GLYAT: variants seen among roughly 807,000 people sequenced by gnomAD.
The protein encoded by GLYAT is glycine-N-acyltransferase, also known as glycine N-acyltransferase.
Under a neutral mutation model 22.8 loss-of-function variants are expected in GLYAT, and 25 were observed. The ratio of observed to expected loss-of-function variants is 1.09; its 90% confidence interval spans 0.80 to 1.53. The LOEUF (loss-of-function observed/expected upper bound fraction) is 1.53. GLYAT is among the 40% of genes most tolerant of loss of function. GLYAT has a pLI of 0.00. For synonymous variants in GLYAT, 140 were observed against 122.7 expected, an observed-to-expected ratio of 1.14 and a Z score of -0.93; for missense variants, 411 against 353.9, an observed-to-expected ratio of 1.16 and a Z score of -1.29.
chr11:58,731,472 T>A (rs911813775), intron 1 of GLYAT, among the ~76,000 whole-genome samples: 1 of 152,198 alleles, frequency 6.6e-6, no homozygotes, highest in African/African-American at 2.4e-5. Context: ...GTTGTCTGCA[T>A]ATTCTGAGCA....
At chr11:58,711,228 A>G (rs988877644) in intron 4 of GLYAT, among the ~76,000 whole-genome samples, 2 of 152,076 alleles carry the variant, frequency 1.3e-5, no homozygotes, top group African/African-American at 4.8e-5. Flanking sequence ...CTCTGCCTTT[A>G]TCTCTTTTAA....
At chr11:58,728,287 C>A (rs2497379) in intron 1 of GLYAT, among the ~76,000 whole-genome samples, 110,872 of 151,670 alleles carry the variant, frequency 0.73, 41,185 homozygotes, top group Middle Eastern at 0.89. Context: ...GGTCTCAAAC[C>A]CTTGACCTTG....
At chr11:58,712,070 G>A (rs1196257892) in intron 4 of GLYAT, among the ~76,000 whole-genome samples, 1 of 152,142 alleles carries the variant, frequency 6.6e-6, no homozygotes. Flanking sequence ...ATCAACTACA[G>A]CTACATGAGT....
intron 3 of GLYAT, among the ~76,000 whole-genome samples, chr11:58,714,822 T>C (rs1227672106): frequency 6.6e-6 from 1 of 152,158 alleles, no homozygotes; most frequent in Non-Finnish European, 1.5e-5. Context: ...TAAACGTCTT[T>C]CCTTGATAAA....
intron 1 of GLYAT, among the ~76,000 whole-genome samples, chr11:58,731,494 G>A (rs1340736828): frequency 1.3e-5 from 2 of 151,858 alleles, no homozygotes; most frequent in Non-Finnish European, 2.9e-5. Flanking sequence ...AACACAATAC[G>A]GGCACTTTAA....
At chr11:58,727,870 C>T (rs913848268) in intron 1 of GLYAT, among the ~76,000 whole-genome samples, 2 of 152,068 alleles carry the variant, frequency 1.3e-5, no homozygotes, top group African/African-American at 2.4e-5. Flanking sequence ...GACCACTGCA[C>T]ATGTGGACAA....
At chr11:58,721,071 A>G (rs1318975674) in intron 2 of GLYAT, among the ~76,000 whole-genome samples, 1 of 151,948 alleles carries the variant, frequency 6.6e-6, no homozygotes, top group African/African-American at 2.4e-5. Context: ...AATATTTTGT[A>G]TACAATACAT....
chr11:58,714,065 G>A (rs1590668135), intron 3 of GLYAT, among the ~76,000 whole-genome samples: 1 of 151,986 alleles, frequency 6.6e-6, no homozygotes, highest in East Asian at 1.9e-4. Context: ...CCAAACACAG[G>A]CAGATACCTC....
chr11:58,716,891 G>C (rs1381696853), intron 2 of GLYAT, among the ~76,000 whole-genome samples: 1 of 152,088 alleles, frequency 6.6e-6, no homozygotes, highest in Non-Finnish European at 1.5e-5. Context: ...GAAGTACACT[G>C]GTTCAGTTTG....
At chr11:58,730,081 G>A (rs1200865879) in intron 1 of GLYAT, among the ~76,000 whole-genome samples, 1 of 152,122 alleles carries the variant, frequency 6.6e-6, no homozygotes, top group Non-Finnish European at 1.5e-5. Flanking sequence ...GCAGCACTGG[G>A]CAATGAGTAG....
intron 5 of GLYAT, 84 bp from the exon 6 acceptor site, chr11:58,710,252 G>C: frequency 6.7e-7 from 1 of 1,495,026 alleles, no homozygotes; most frequent in Non-Finnish European, 8.9e-7. Flanking sequence ...GAGAGACAGA[G>C]TAGACAGAAG....
intron 2 of GLYAT, among the ~76,000 whole-genome samples, chr11:58,719,178 T>C (rs1325993210): frequency 6.6e-6 from 1 of 151,998 alleles, no homozygotes; most frequent in African/African-American, 2.4e-5. Flanking sequence ...AATAGGATTA[T>C]AGGTCATTTT....
chr11:58,709,895 C>A lies in GLYAT; in HGVS notation c.762G>T (p.Leu254Phe). ...TYVIYSHAQK[L>F]GKLGFPVYSH... ...AATAGACAGGAAACCCAAGTTTGCC[C>A]AATTTCTGGGCGTGGGAATAGATGA... is the stretch of plus-strand genomic sequence containing the variant. The change falls in exon 6 of 6, where the codon TTG becomes TTT. Residue 254 changes from leucine (L) to phenylalanine (F), a missense_variant. Coordinates refer to ENST00000344743, the MANE Select transcript of GLYAT (RefSeq NM_201648.3). 1 of 1,614,106 alleles carries A rather than the reference C, an allele frequency of 6.2e-7. No homozygotes were observed. The highest frequency in any genetic ancestry group is 8.5e-7 in the Non-Finnish European group (1 of 1,179,996).
chr11:58,728,895 A>AAGGG lies in GLYAT; in HGVS notation c.-16+2939_-16+2940insCCCT, dbSNP rs1856841237. ...GAAAGAAAGAAAGAAAGAAAGAAGGAAGGAAGGAAGGAAGGAAGGAAGGAA... is the reference window on the plus strand; with the variant it reads ...GAAAGAAAGAAAGAAAGAAAGAAGGAAGGGAGGAAGGAAGGAAGGAAGGAAGGAA... On this transcript the variant is annotated intron_variant, in intron 1 of 5. Transcript: ENST00000344743. 1.3e-4 allele frequency among the ~76,000 whole-genome samples: 13 copies of AAGGG among 102,662 alleles called. No individual in the cohort carries two copies. The Admixed American group carries it at 1.3e-3, about 10-fold the overall frequency. 67.4% of individuals were successfully genotyped at this position (102,662 alleles called of 152,430 possible).
In GLYAT at chr11:58,709,098, T is replaced by G. The variant is rs1490873443; in HGVS notation, c.*668A>C. Reference sequence around the variant, plus strand: ...GTCAAACACAAAACTTTCTGTATTATTTAGGAGTTGTGGGTTTTGGAAGCT... The same window carrying G: ...GTCAAACACAAAACTTTCTGTATTAGTTAGGAGTTGTGGGTTTTGGAAGCT... On this transcript the variant is annotated 3_prime_UTR_variant, in exon 6 of 6. Coordinates refer to ENST00000344743, the MANE Select transcript of GLYAT (RefSeq NM_201648.3). The G allele has an allele frequency of 6.6e-6, 1 of 152,176 alleles. No homozygotes were observed. The highest frequency in any genetic ancestry group is 1.5e-5 in the Non-Finnish European group (1 of 68,030). The allele number at this position is 152,176 out of a possible 1,614,324, so 9.4% of individuals were successfully genotyped here.
intron 3 of GLYAT, 73 bp from the exon 4 acceptor site, chr11:58,712,959 T>A: frequency 1.1e-6 from 1 of 912,454 alleles, no homozygotes; most frequent in Non-Finnish European, 1.6e-6. Flanking sequence ...TATACTGTGA[T>A]ATTTCTAAGT....
rs144761620 is a variant in GLYAT at position 58,712,858 on chromosome 11, G to C, written c.218C>G (p.Thr73Ser). ...QDMTDDLDHYTNTYQIYSKDP... is the reference protein window; with the variant it reads ...QDMTDDLDHYSNTYQIYSKDP... ...TTTGGAGTAGATTTGGTAAGTATTG[G>C]TATAGTGATCAAGGTCATCTGTCAT... Residue 73 changes from threonine to serine, a missense_variant, in exon 4 of 6, where the codon ACC becomes AGC. Transcript: ENST00000344743. The C allele has an allele frequency of 5.6e-6, 9 of 1,605,254 alleles. No individual in the cohort carries two copies. Among genetic ancestry groups the C allele is most frequent in the Non-Finnish European group, 7.7e-6 (9 of 1,172,100 alleles).
intron 1 of GLYAT, among the ~76,000 whole-genome samples, chr11:58,730,634 T>C (rs1431889580): frequency 2.6e-5 from 4 of 152,136 alleles, no homozygotes; most frequent in Admixed American, 2.0e-4. Flanking sequence ...TTGTACTAAG[T>C]TGGCAAAAAA....
At chr11:58,723,569 G>T in intron 2 of GLYAT, among the ~76,000 whole-genome samples, 1 of 152,032 alleles carries the variant, frequency 6.6e-6, no homozygotes, top group Non-Finnish European at 1.5e-5. Flanking sequence ...TACCTGAAAT[G>T]TATGCACTAT....
Sources: gnomAD v4.1 joint callset for allele counts (sites outside exome capture counted in the v4.1 genomes callset) on GRCh38, gnomAD v4.1.1 for gene constraint, MANE v1.5 for transcripts, NCBI Gene and HGNC (gene_info 2026-07-23, HGNC 2026-07-21) for gene names.